The following CPA4 variants were observed in gnomAD, a reference collection of about 807,000 sequenced individuals.
CPA4 encodes the protein carboxypeptidase A3.
Under a neutral mutation model 54.7 loss-of-function variants are expected in CPA4, and 49 were observed. The observed-to-expected ratio is 0.90, with a 90% CI of 0.71 to 1.14. The LOEUF is 1.14. CPA4 is among the 50% of genes most tolerant of loss of function. CPA4 has a pLI of 0.00. For synonymous variants in CPA4, 215 were observed against 206.8 expected, an observed-to-expected ratio of 1.04 and a Z score of -0.34; for missense variants, 487 against 525.1, an observed-to-expected ratio of 0.93 and a Z score of 0.71.
At chr7:130,295,623 C>T (rs542784933) in intron 1 of CPA4, among the ~76,000 whole-genome samples, 2 of 152,294 alleles carry the variant, frequency 1.3e-5, no homozygotes, top group South Asian at 4.1e-4. Context: ...AAAAGGCTGC[C>T]CTTCGCATTG....
chr7:130,295,381 A>G (rs1043303517), intron 1 of CPA4, among the ~76,000 whole-genome samples: 1 of 152,156 alleles, frequency 6.6e-6, no homozygotes, highest in Admixed American at 6.5e-5. Context: ...TCTATTGGAG[A>G]GGATCAAGTT....
In CPA4 at chr7:130,311,000, GCCT is replaced by G. The variant is rs767588447; in HGVS notation, c.993+17_993+19del. 1.9e-6 allele frequency: 3 copies of G among 1,611,370 alleles called. No homozygotes were observed. The South Asian group carries it at 3.3e-5, about 18-fold the overall frequency. On this transcript the variant is annotated intron_variant, in intron 9 of 10. Transcript: ENST00000222482. The surrounding 1 kb of genome is among the most constrained non-coding windows in gnomAD (Gnocchi z 4.3). Reference sequence around the variant, plus strand: ...GCCGAGGAACTCGTGAGTCACAGCTGCCTCCCACCCAGCCTGGGGCCCGCCTGA... The same window carrying G: ...GCCGAGGAACTCGTGAGTCACAGCTGCCCACCCAGCCTGGGGCCCGCCTGA...
In CPA4 at chr7:130,308,387, T is replaced by C; in HGVS notation, c.783T>C (p.Ala261=). ...CTGACCCAAATAGAAACTGGAACGC[T>C]AGTTTTGCAGGTAGGCGGTGGGGAG... is the stretch of plus-strand genomic sequence containing the variant. ...IGADPNRNWN[A]SFAGKGASDN... is the part of the protein sequence containing the mutation. The change falls in exon 8 of 11, where the codon GCT becomes GCC. Residue 261 remains alanine (A), a synonymous_variant. Coordinates refer to ENST00000222482, the MANE Select transcript of CPA4 (RefSeq NM_016352.4). 6.2e-7 allele frequency: 1 copy of C among 1,613,430 alleles called. No individual in the cohort carries two copies.
chr7:130,304,301 T>C (rs1421951125), intron 4 of CPA4, among the ~76,000 whole-genome samples, 177 bp from the exon 5 acceptor site: 2 of 152,214 alleles, frequency 1.3e-5, no homozygotes, highest in Non-Finnish European at 2.9e-5. Flanking sequence ...CAGAAAATTG[T>C]AGAAAAGGAC....
At chr7:130,313,606 G>A (rs917176494) in intron 10 of CPA4, among the ~76,000 whole-genome samples, 5 of 148,206 alleles carry the variant, frequency 3.4e-5, no homozygotes, top group Middle Eastern at 3.4e-3. Flanking sequence ...TGTTAAAGAC[G>A]TGGCCAATCT....
chr7:130,320,618 G>T (rs148692961), intron 10 of CPA4, among the ~76,000 whole-genome samples: 1 of 152,240 alleles, frequency 6.6e-6, no homozygotes, highest in African/African-American at 2.4e-5. Context: ...CATGTAACAG[G>T]CTTGTTAATA....
At position 130,312,024 on chromosome 7, in the gene CPA4, T is replaced by C. The variant is rs967568099; in HGVS notation, c.994-14T>C. 1.3e-5 allele frequency: 21 copies of C among 1,610,090 alleles called. No individual in the cohort carries two copies. The Admixed American group carries it at 2.3e-4, about 18-fold the overall frequency. ...GATCGATTTTTTCTCACTCCACGGATTCCCCCTTCCCAGGACAAGGTGGCG... is the reference window on the plus strand; with the variant it reads ...GATCGATTTTTTCTCACTCCACGGACTCCCCCTTCCCAGGACAAGGTGGCG... On this transcript the variant is annotated splice_polypyrimidine_tract_variant and intron_variant, in intron 9 of 10. Transcript: ENST00000222482.
chr7:130,322,446 G>C (rs1194854238), intron 10 of CPA4, 43 bp from the exon 11 acceptor site: 3 of 1,554,290 alleles, frequency 1.9e-6, no homozygotes, highest in Non-Finnish European at 2.6e-6. Context: ...TCTAACCCAG[G>C]AGGGAACTGG....
chr7:130,318,864 T>C (rs1157424981), intron 10 of CPA4, among the ~76,000 whole-genome samples: 1 of 152,240 alleles, frequency 6.6e-6, no homozygotes, highest in Non-Finnish European at 1.5e-5. Flanking sequence ...AGTCGACGTT[T>C]GTCCTTTCAA....
At chr7:130,296,462 C>A (rs566794467) in intron 1 of CPA4, among the ~76,000 whole-genome samples, 1 of 152,284 alleles carries the variant, frequency 6.6e-6, no homozygotes, top group African/African-American at 2.4e-5. Context: ...GTGAAGTCAC[C>A]ACTTTGGAAA....
intron 10 of CPA4, among the ~76,000 whole-genome samples, chr7:130,313,777 G>A (rs1793948686): frequency 6.6e-6 from 1 of 152,184 alleles, no homozygotes; most frequent in African/African-American, 2.4e-5. Context: ...TAGGACACAG[G>A]TTCCAGTTTA....
At chr7:130,298,376 A>G (rs994934444) in intron 1 of CPA4, among the ~76,000 whole-genome samples, 1 of 152,220 alleles carries the variant, frequency 6.6e-6, no homozygotes, top group Admixed American at 6.5e-5. Flanking sequence ...CAGAAAACAG[A>G]TACAAGGGGG....
At chr7:130,311,937 G>C (rs142266205) in intron 9 of CPA4, 101 bp from the exon 10 acceptor site, 13 of 848,738 alleles carry the variant, frequency 1.5e-5, no homozygotes, top group African/African-American at 6.7e-5. Context: ...AGGAAATCGG[G>C]GGGGGCTGAG....
chr7:130,314,930 T>G (rs903103755), intron 10 of CPA4, among the ~76,000 whole-genome samples: 2 of 152,064 alleles, frequency 1.3e-5, no homozygotes, highest in African/African-American at 2.4e-5. Context: ...GGGAAGTGGG[T>G]CCTATGGAGA....
At position 130,298,806 on chromosome 7, in the gene CPA4, A is replaced by G. The variant is rs772805086; in HGVS notation, c.129A>G (p.Leu43=). 1 of 1,609,126 alleles carries G rather than the reference A, an allele frequency of 6.2e-7. No individual in the cohort carries two copies. The highest frequency in any genetic ancestry group is 8.5e-7 in the Non-Finnish European group (1 of 1,175,394). Residue 43 remains leucine (L), a synonymous_variant, in exon 2 of 11, where the codon CTA becomes CTG. Coordinates refer to ENST00000222482, the MANE Select transcript of CPA4 (RefSeq NM_016352.4). ...ACGAGATCAGCAAATTGAGTCAACT[A>G]GTGAATTCAAACAACTTGAAGGTAC... ...NGDEISKLSQ[L]VNSNNLKLNF...
At chr7:130,308,820 G>A (rs1649705952) in intron 8 of CPA4, among the ~76,000 whole-genome samples, 1 of 149,960 alleles carries the variant, frequency 6.7e-6, no homozygotes, top group African/African-American at 2.5e-5. Flanking sequence ...CAAAGTGCTG[G>A]GAGTATAGCC....
chr7:130,321,220 A>G (rs1211243582), intron 10 of CPA4, among the ~76,000 whole-genome samples: 1 of 152,160 alleles, frequency 6.6e-6, no homozygotes, highest in Non-Finnish European at 1.5e-5. Flanking sequence ...AAAATTATCT[A>G]TGCTTTGTAA....
At chr7:130,306,128 A>C (rs1411938948) in intron 6 of CPA4, 1 of 587,846 alleles carries the variant, frequency 1.7e-6, no homozygotes, top group Non-Finnish European at 3.0e-6. Flanking sequence ...GGTGGTGCAC[A>C]AGCTGATATG....
rs899200186 is a variant in CPA4, at chr7:130,297,668, T to C, written c.69-1078T>C. On this transcript the variant is annotated intron_variant, in intron 1 of 10. Transcript: ENST00000222482. ...TGAAACCGGTTTTCTGATGAGGAGC[T>C]GCCCCATGAGGCTGCACACTCAGCT... is the stretch of plus-strand genomic sequence containing the variant. 2.6e-5 allele frequency among the ~76,000 whole-genome samples: 4 copies of C among 152,196 alleles called. No homozygotes were observed. The South Asian group carries it at 8.3e-4, about 31-fold the overall frequency.
Sources: gnomAD v4.1 joint callset for allele counts (sites outside exome capture counted in the v4.1 genomes callset) on GRCh38, gnomAD v4.1.1 for gene constraint, Gnocchi (gnomAD v3.1) non-coding constraint, MANE v1.5 for transcripts, NCBI Gene and HGNC (gene_info 2026-07-23, HGNC 2026-07-21) for gene names.